PDE10A: variants seen among roughly 807,000 people sequenced by gnomAD.
PDE10A encodes the protein cAMP and cAMP-inhibited cGMP 3',5'-cyclic phosphodiesterase 10A.
PDE10A carries 39 observed loss-of-function variants against 97.7 expected under a neutral mutation model. That is an observed-to-expected ratio of 0.40 (90% CI 0.31 to 0.52). The LOEUF (loss-of-function observed/expected upper bound fraction) is 0.52. Ranked by LOEUF, PDE10A falls within the 20% of genes least tolerant of loss-of-function variation. The pLI, the probability that PDE10A is intolerant of heterozygous loss-of-function variation, is 0.56. For missense variants in PDE10A, 731 were observed against 1,047.8 expected, an observed-to-expected ratio of 0.70 and a Z score of 4.17; for synonymous variants, 371 against 376.8, an observed-to-expected ratio of 0.98 and a Z score of 0.18.
intron 1 of PDE10A, among the ~76,000 whole-genome samples, chr6:165,618,910 C>T (rs2128405744): frequency 6.6e-6 from 1 of 152,022 alleles, no homozygotes; most frequent in South Asian, 2.1e-4. Flanking sequence ...CTAGTCTCTC[C>T]TTCATATGAG....
chr6:165,361,663 A>T (rs1783434747), intron 18 of PDE10A, among the ~76,000 whole-genome samples: 2 of 152,180 alleles, frequency 1.3e-5, no homozygotes, highest in Non-Finnish European at 2.9e-5. Flanking sequence ...AGAGACACAC[A>T]GGTATCTCAT....
chr6:165,453,968 C>T (rs1013452902), intron 3 of PDE10A, among the ~76,000 whole-genome samples: 6 of 152,186 alleles, frequency 3.9e-5, no homozygotes, highest in African/African-American at 9.7e-5. Flanking sequence ...ATCATAAGGG[C>T]AAGGATACTC....
chr6:165,365,389 A>G (rs1379455164), intron 18 of PDE10A, among the ~76,000 whole-genome samples: 1 of 152,210 alleles, frequency 6.6e-6, no homozygotes, highest in Non-Finnish European at 1.5e-5. Flanking sequence ...AGTTTGTTAA[A>G]TATTTTTCAT....
At chr6:165,428,006 A>T (rs1214491983) in intron 10 of PDE10A, among the ~76,000 whole-genome samples, 1 of 149,876 alleles carries the variant, frequency 6.7e-6, no homozygotes, top group Non-Finnish European at 1.5e-5. Context: ...TATGTTAAAT[A>T]AAAAAAAAAC....
intron 1 of PDE10A, among the ~76,000 whole-genome samples, chr6:165,886,018 G>C (rs1781622773): frequency 6.6e-6 from 1 of 152,142 alleles, no homozygotes; most frequent in African/African-American, 2.4e-5. Context: ...ATCATAAGTT[G>C]TACACTATGC....
At chr6:165,605,725 A>G (rs1411760204) in intron 1 of PDE10A, among the ~76,000 whole-genome samples, 3 of 152,092 alleles carry the variant, frequency 2.0e-5, no homozygotes, top group Non-Finnish European at 4.4e-5. Context: ...GGCGCATGCA[A>G]TGCTACTACT....
rs573844121 is a variant in PDE10A, at chr6:165,331,422, C to T, written c.*1603G>A. 22 of 152,304 alleles carry T rather than the reference C, an allele frequency of 1.4e-4. No homozygotes were observed. The South Asian group carries it at 4.3e-3, about 30-fold the overall frequency. The allele number at this position is 152,304 out of a possible 1,614,324, so 9.4% of individuals were successfully genotyped here. ...TGTTTATGTAGAGCCAACTTTGCTA[C>T]AACATAAATAAACCATGTTGTAGAA... is the stretch of plus-strand genomic sequence containing the variant. On this transcript the variant is annotated 3_prime_UTR_variant, in exon 22 of 22. Transcript: ENST00000539869.
intron 14 of PDE10A, among the ~76,000 whole-genome samples, chr6:165,395,481 T>C (rs967114155): frequency 6.6e-6 from 1 of 152,200 alleles, no homozygotes. Context: ...ATTTGAGTTA[T>C]TGATTTTCTA....
intron 1 of PDE10A, among the ~76,000 whole-genome samples, chr6:165,585,249 T>C (rs1667613566): frequency 6.6e-6 from 1 of 152,198 alleles, no homozygotes; most frequent in Non-Finnish European, 1.5e-5. Flanking sequence ...GGTGTCTTTA[T>C]TTGGAGATTA....
At position 165,445,165 on chromosome 6, in the gene PDE10A, T is replaced by C. The variant is rs538020242; in HGVS notation, c.1194+3763A>G. Among the ~76,000 whole-genome samples, 5 of 152,342 alleles carry C rather than the reference T, an allele frequency of 3.3e-5. No homozygotes were observed. The South Asian group carries it at 1.0e-3, about 32-fold the overall frequency. On this transcript the variant is annotated intron_variant, in intron 5 of 21. Transcript: ENST00000539869. ...GCAAAAGATGTTTCATTTAATTTAA[T>C]ATGGTTATATTTTAGAAGTGTATCT...
intron 18 of PDE10A, among the ~76,000 whole-genome samples, chr6:165,367,542 G>T (rs1046313231): frequency 1.3e-5 from 2 of 151,920 alleles, no homozygotes; most frequent in African/African-American, 4.8e-5. Context: ...GAAATCAGCA[G>T]CCCACAGACC....
intron 1 of PDE10A, among the ~76,000 whole-genome samples, chr6:165,703,027 C>T (rs538015309): frequency 8.5e-5 from 13 of 152,176 alleles, no homozygotes; most frequent in African/African-American, 2.4e-4. Flanking sequence ...TTCATAAACA[C>T]GATTCGGCAT....
At chr6:165,426,616 A>G (rs966321221) in intron 10 of PDE10A, among the ~76,000 whole-genome samples, 1 of 152,188 alleles carries the variant, frequency 6.6e-6, no homozygotes, top group African/African-American at 2.4e-5. Flanking sequence ...AACAATAGCT[A>G]AATTGGATTT....
At chr6:165,783,440 G>T (rs1175255911) in intron 1 of PDE10A, among the ~76,000 whole-genome samples, 6 of 152,158 alleles carry the variant, frequency 3.9e-5, no homozygotes, top group African/African-American at 1.4e-4. Flanking sequence ...TAGAAGGAAT[G>T]AATAAAATTA....
At chr6:165,675,256 A>G (rs1006827016) in intron 1 of PDE10A, among the ~76,000 whole-genome samples, 2 of 152,322 alleles carry the variant, frequency 1.3e-5, no homozygotes, top group Admixed American at 6.5e-5. Flanking sequence ...TTTGTTGAAC[A>G]TGTGCTAAGC....
intron 1 of PDE10A, chr6:165,940,497 C>T (rs1192888370): frequency 6.6e-6 from 1 of 152,288 alleles, no homozygotes; most frequent in Non-Finnish European, 1.5e-5. Context: ...CATGCTCTGG[C>T]GCAGTTTTTC....
intron 1 of PDE10A, among the ~76,000 whole-genome samples, chr6:165,621,927 G>A (rs2983503): frequency 0.3 from 45,493 of 151,988 alleles, 7,801 homozygotes; most frequent in African/African-American, 0.48. Flanking sequence ...TTGTTTGGCC[G>A]AACACCAGTC....
At chr6:165,935,784 A>G (rs947048262) in intron 1 of PDE10A, among the ~76,000 whole-genome samples, 2 of 152,168 alleles carry the variant, frequency 1.3e-5, no homozygotes, top group African/African-American at 4.8e-5. Context: ...GGTCCTGAGA[A>G]AAAGGATGAA....
chr6:165,388,343 G>A lies in PDE10A; in HGVS notation c.2565C>T (p.Ser855=). Residue 855 remains serine, a synonymous_variant, in exon 17 of 22, where the codon TCC becomes TCT. Coordinates refer to ENST00000539869, the MANE Select transcript of PDE10A (RefSeq NM_001385079.1). The surrounding 1 kb of genome is among the most constrained non-coding windows in gnomAD (Gnocchi z 4.0). ...GGGAGAAGTGGTGCTGCTCCATGGT[G>A]GAAGTGGAGTAGAGAGCGGCCAGAG... ...DHPLAALYST[S]TMEQHHFSQT... The A allele has an allele frequency of 6.2e-7, 1 of 1,614,116 alleles. No individual in the cohort carries two copies. Among genetic ancestry groups the A allele is most frequent in the Non-Finnish European group, 8.5e-7 (1 of 1,179,984 alleles).
Sources: gnomAD v4.1 joint callset for allele counts (sites outside exome capture counted in the v4.1 genomes callset) on GRCh38, gnomAD v4.1.1 for gene constraint, Gnocchi (gnomAD v3.1) non-coding constraint, MANE v1.5 for transcripts, NCBI Gene and HGNC (gene_info 2026-07-23, HGNC 2026-07-21) for gene names.